The following FER variants were observed in gnomAD, a reference collection of about 807,000 sequenced individuals.
FER encodes FER tyrosine kinase, also known as tyrosine-protein kinase Fer.
FER carries 63 observed loss-of-function variants against 111.0 expected under a neutral mutation model. The observed-to-expected ratio is 0.57, with a 90% CI of 0.46 to 0.70. FER has a LOEUF of 0.70. Ranked by LOEUF, FER falls within the 30% of genes least tolerant of loss-of-function variation. The pLI is 0.00. For synonymous variants in FER, 327 were observed against 313.9 expected, an observed-to-expected ratio of 1.04 and a Z score of -0.44; for missense variants, 914 against 954.0, an observed-to-expected ratio of 0.96 and a Z score of 0.55.
At position 109,044,742 on chromosome 5, in the gene FER, A is replaced by G. The variant is rs754127591; in HGVS notation, c.1776A>G (p.Thr592=). 5.0e-6 allele frequency: 8 copies of G among 1,591,302 alleles called. No individual in the cohort carries two copies. The highest frequency in any genetic ancestry group is 1.7e-4 in the Middle Eastern group (1 of 5,990). ...ATAAAACTTCTGTTGCTGTTAAAAC[A>G]TGTAAAGAAGATCTTCCTCAGGAAT... ...LKDKTSVAVK[T]CKEDLPQELK... The change falls in exon 15 of 20, where the codon ACA becomes ACG. Residue 592 remains threonine (T), a synonymous_variant. Transcript: ENST00000281092.
chr5:109,130,230 T>G (rs1272553369), intron 17 of FER, among the ~76,000 whole-genome samples: 1 of 152,034 alleles, frequency 6.6e-6, no homozygotes, highest in Non-Finnish European at 1.5e-5. Context: ...AATGGAAAAT[T>G]TGGCATTTAA....
chr5:109,037,525 G>A (rs1375192060), intron 14 of FER, 47 bp downstream of exon 14: 2 of 1,493,588 alleles, frequency 1.3e-6, no homozygotes, highest in Non-Finnish European at 1.9e-6. Flanking sequence ...TATATTGATT[G>A]TGAAGACTGC....
intron 17 of FER, among the ~76,000 whole-genome samples, chr5:109,122,156 CATT>C (rs775462241): frequency 5.3e-5 from 8 of 151,994 alleles, no homozygotes; most frequent in Non-Finnish European, 5.9e-5. Flanking sequence ...TCAGATACAT[CATT>C]AAGTTGTTTA....
At chr5:108,772,098 G>T (rs1350260626) in intron 2 of FER, among the ~76,000 whole-genome samples, 1 of 152,166 alleles carries the variant, frequency 6.6e-6, no homozygotes, top group Non-Finnish European at 1.5e-5. Flanking sequence ...GAACTGCGAA[G>T]GGGGAATGCA....
chr5:108,780,026 C>G (rs1561406278), intron 2 of FER, among the ~76,000 whole-genome samples: 1 of 152,106 alleles, frequency 6.6e-6, no homozygotes, highest in African/African-American at 2.4e-5. Context: ...CTATTTTGAA[C>G]AAATGCTTAT....
At chr5:108,804,872 A>T (rs180808942) in intron 3 of FER, among the ~76,000 whole-genome samples, 235 of 150,918 alleles carry the variant, frequency 1.6e-3, no homozygotes, top group Admixed American at 9.5e-3. Flanking sequence ...ATTAGGTAGA[A>T]TTCCCTCCTA....
At chr5:109,064,471 A>G (rs917566059) in intron 16 of FER, among the ~76,000 whole-genome samples, 8 of 152,200 alleles carry the variant, frequency 5.3e-5, no homozygotes, top group Non-Finnish European at 7.3e-5. Context: ...AAATATATCT[A>G]TAACTATTAC....
intron 7 of FER, 87 bp downstream of exon 7, chr5:108,871,589 T>C: frequency 1.0e-6 from 1 of 979,224 alleles, no homozygotes; most frequent in Non-Finnish European, 1.5e-6. Context: ...AAATAAGAAA[T>C]ACTTAAGATC....
intron 5 of FER, among the ~76,000 whole-genome samples, chr5:108,841,595 A>G (rs1055216766): frequency 1.3e-5 from 2 of 152,164 alleles, no homozygotes; most frequent in African/African-American, 4.8e-5. Context: ...GACTATCATC[A>G]ATGCTGTTGT....
intron 16 of FER, among the ~76,000 whole-genome samples, chr5:109,049,269 G>A (rs1772415339): frequency 2.0e-5 from 3 of 152,180 alleles, no homozygotes; most frequent in Admixed American, 2.0e-4. Context: ...CGTGCTCAGG[G>A]TCTCACAAAG....
At chr5:109,069,703 G>A (rs1045312645) in intron 16 of FER, among the ~76,000 whole-genome samples, 1 of 152,202 alleles carries the variant, frequency 6.6e-6, no homozygotes, top group Non-Finnish European at 1.5e-5. Context: ...AAGAAAAGAT[G>A]TTGATGTCAA....
chr5:108,998,851 CG>C (rs1203212314), intron 13 of FER, among the ~76,000 whole-genome samples: 1 of 151,998 alleles, frequency 6.6e-6, no homozygotes, highest in East Asian at 1.9e-4. Flanking sequence ...TGCTGGATTC[CG>C]TTTGCCAATA....
At chr5:108,804,242 T>C (rs10038669) in intron 3 of FER, among the ~76,000 whole-genome samples, 57,616 of 151,980 alleles carry the variant, frequency 0.38, 12,568 homozygotes, top group African/African-American at 0.6. Flanking sequence ...TGGTGAAGTA[T>C]TTAGGGCTTT....
intron 9 of FER, 62 bp downstream of exon 9, chr5:108,883,580 TA>T (rs1765888539): frequency 7.0e-7 from 1 of 1,418,724 alleles, no homozygotes; most frequent in South Asian, 1.5e-5. Flanking sequence ...AAAAATATTT[TA>T]GTTACATGGC....
At chr5:109,177,085 G>A (rs1220669245) in intron 17 of FER, among the ~76,000 whole-genome samples, 9 of 151,980 alleles carry the variant, frequency 5.9e-5, no homozygotes, top group Non-Finnish European at 1.2e-4. Flanking sequence ...TAAAGAACAT[G>A]TATCAGTGTA....
At chr5:108,915,205 GC>G (rs1298271178) in intron 10 of FER, among the ~76,000 whole-genome samples, 3 of 152,292 alleles carry the variant, frequency 2.0e-5, no homozygotes, top group African/African-American at 7.2e-5. Context: ...CGGCCCAGTG[GC>G]TCATGCCTGT....
chr5:108,884,095 T>C (rs1765941061), intron 9 of FER, among the ~76,000 whole-genome samples: 1 of 152,022 alleles, frequency 6.6e-6, no homozygotes, highest in African/African-American at 2.4e-5. Flanking sequence ...AAATTTAATC[T>C]AAACTTCAAG....
chr5:109,109,145 T>C (rs1010662233), intron 17 of FER, among the ~76,000 whole-genome samples: 5 of 152,152 alleles, frequency 3.3e-5, no homozygotes, highest in Non-Finnish European at 7.4e-5. Flanking sequence ...GAATGCTCTG[T>C]GCATGAATCC....
chr5:108,748,610 G>C (rs1384584076), intron 1 of FER: 1 of 152,462 alleles, frequency 6.6e-6, no homozygotes, highest in East Asian at 1.9e-4. Context: ...CAAACGCGCA[G>C]ACCTCGGGAC....
Sources: gnomAD v4.1 joint callset for allele counts (sites outside exome capture counted in the v4.1 genomes callset) on GRCh38, gnomAD v4.1.1 for gene constraint, MANE v1.5 for transcripts, NCBI Gene and HGNC (gene_info 2026-07-23, HGNC 2026-07-21) for gene names.